Variants in RPS6KA6 observed in about 807,000 individuals in gnomAD.
RPS6KA6 encodes ribosomal protein S6 kinase alpha-6.
A neutral mutation model predicts 65.4 loss-of-function variants in RPS6KA6; 27 were observed. The observed-to-expected ratio is 0.41, with a 90% CI of 0.30 to 0.57. The LOEUF is 0.57. Among genes scored for constraint, RPS6KA6 ranks in the 20% least tolerant of loss-of-function variants. The probability of loss-of-function intolerance (pLI) is 0.24; values close to 1 mark genes in which losing one functional copy is unlikely to be tolerated. For missense variants in RPS6KA6, 486 were observed against 555.6 expected (o/e 0.87, Z 1.26); for synonymous variants, 190 against 184.2 (o/e 1.03, Z -0.26).
chrX:84,064,449 TAAAA>T, intron 21 of RPS6KA6, 47 bp from the exon 22 acceptor site: 2 of 938,200 alleles, frequency 2.1e-6, no homozygotes, highest in Non-Finnish European at 2.8e-6. Flanking sequence ...ATTCTGGAGT[TAAAA>T]AAAAAAAAAA....
chrX:84,077,495 A>G (rs2033686708), intron 20 of RPS6KA6, among the ~76,000 whole-genome samples: 1 of 111,647 alleles, frequency 9.0e-6, no homozygotes, highest in Non-Finnish European at 1.9e-5. Context: ...TACAAATGCA[A>G]TTTGGTGAAG....
chrX:84,142,341 A>ATTTTT (rs2035121015), intron 6 of RPS6KA6, among the ~76,000 whole-genome samples: 1 of 111,177 alleles, frequency 9.0e-6, no homozygotes, highest in African/African-American at 3.3e-5. Context: ...TGCATATCAA[A>ATTTTT]ACTTGTGAGA....
chrX:84,181,288 G>A (rs1254812360), intron 1 of RPS6KA6, among the ~76,000 whole-genome samples: 1 of 111,470 alleles, frequency 9.0e-6, no homozygotes, highest in Non-Finnish European at 1.9e-5. Context: ...CTAGTAAAAT[G>A]GGTGAACAAG....
At chrX:84,163,823 T>C (rs2035556582) in intron 2 of RPS6KA6, among the ~76,000 whole-genome samples, 1 of 111,508 alleles carries the variant, frequency 9.0e-6, no homozygotes, top group African/African-American at 3.3e-5. Context: ...AGGCATTACA[T>C]AGAATGGTCT....
rs760428123 is a variant in RPS6KA6, at chrX:84,062,952, T to TAGTAGTAGTAGCAGC, written c.*1324_*1325insGCTGCTACTACTACT. 1.6e-3 allele frequency: 172 copies of TAGTAGTAGTAGCAGC among 110,222 alleles called. 5 individuals carry two copies. Among genetic ancestry groups the TAGTAGTAGTAGCAGC allele is most frequent in the South Asian group, 8.4e-3 (22 of 2,633 alleles). 9.1% of individuals were successfully genotyped at this position (110,222 alleles called of 1,213,427 possible). A position where few individuals can be genotyped will look rare whatever the true frequency, so the allele number is the denominator to read the frequency against. ...GTAGTAGTAGTAGTAGTAGTAGTAG[T>TAGTAGTAGTAGCAGC]AGCAGTAGTAGCTGCTGCTGTTGTT... On this transcript the variant is annotated 3_prime_UTR_variant, in exon 22 of 22. Transcript: ENST00000262752.
At chrX:84,184,238 G>T (rs1364300319) in intron 1 of RPS6KA6, among the ~76,000 whole-genome samples, 1 of 112,008 alleles carries the variant, frequency 8.9e-6, no homozygotes, top group African/African-American at 3.3e-5. Flanking sequence ...TTTAGGAAGG[G>T]GTCTTAAGAA....
intron 20 of RPS6KA6, among the ~76,000 whole-genome samples, chrX:84,068,928 G>A (rs980372784): frequency 1.8e-5 from 2 of 111,739 alleles, no homozygotes; most frequent in Admixed American, 1.9e-4. Context: ...ACAAACAAAT[G>A]GAAAAACATT....
intron 2 of RPS6KA6, among the ~76,000 whole-genome samples, chrX:84,159,391 T>C (rs752868123): frequency 9.0e-6 from 1 of 111,188 alleles, no homozygotes; most frequent in South Asian, 3.8e-4. Flanking sequence ...TAGCCTGAAA[T>C]AGGTGGTAAT....
intron 1 of RPS6KA6, chrX:84,185,966 A>G (rs1055367696): frequency 6.2e-6 from 3 of 484,455 alleles, no homozygotes; most frequent in East Asian, 3.9e-5. Context: ...GTTTTCACCT[A>G]TAATATTTTT....
Position 84,183,284 on chromosome X carries a change from C to A in RPS6KA6, c.81+4535G>T, listed in dbSNP as rs184292930. 4.5e-5 allele frequency among the ~76,000 whole-genome samples: 5 copies of A among 111,368 alleles called. No homozygotes were observed. In the East Asian group the frequency reaches 1.4e-3, roughly 32 times the overall value. On this transcript the variant is annotated intron_variant, in intron 1 of 21. Transcript: ENST00000262752. ...TTACTCTCCAACATCTAATCAGTTA[C>A]CAAATTGTAACTATTCTACCTCTGC...
At chrX:84,130,022 T>C (rs891185297) in intron 8 of RPS6KA6, among the ~76,000 whole-genome samples, 1 of 111,801 alleles carries the variant, frequency 8.9e-6, no homozygotes, top group Admixed American at 9.5e-5. Flanking sequence ...ATATAAAGGA[T>C]AAATGCTTGA....
At chrX:84,151,166 A>AG (rs1491511737) in intron 3 of RPS6KA6, among the ~76,000 whole-genome samples, 23 of 99,263 alleles carry the variant, frequency 2.3e-4, no homozygotes, top group African/African-American at 8.5e-4. Context: ...TAGGATATAT[A>AG]GATATATATA....
intron 8 of RPS6KA6, 28 bp from the exon 9 acceptor site, chrX:84,120,055 T>C (rs2034639280): frequency 9.3e-7 from 1 of 1,080,324 alleles, no homozygotes; most frequent in Non-Finnish European, 1.2e-6. Flanking sequence ...CCAAAAAATG[T>C]GTCTGAAAAA....
intron 1 of RPS6KA6, among the ~76,000 whole-genome samples, chrX:84,175,146 T>C (rs1403477104): frequency 9.0e-6 from 1 of 111,498 alleles, no homozygotes; most frequent in East Asian, 2.8e-4. Flanking sequence ...AGTCATAAAA[T>C]TGTTTTCAAG....
chrX:84,118,133 G>T (rs921757337), intron 9 of RPS6KA6, among the ~76,000 whole-genome samples: 2 of 112,011 alleles, frequency 1.8e-5, no homozygotes, highest in Admixed American at 1.9e-4. Flanking sequence ...AGAAGTTTTT[G>T]TATCACCAGT....
intron 4 of RPS6KA6, among the ~76,000 whole-genome samples, chrX:84,147,472 C>A (rs2035219945): frequency 9.0e-6 from 1 of 110,835 alleles, no homozygotes; most frequent in Non-Finnish European, 1.9e-5. Flanking sequence ...ACACCTGGCT[C>A]ATTTTTGTAA....
intron 20 of RPS6KA6, among the ~76,000 whole-genome samples, chrX:84,067,831 T>C (rs1308717477): frequency 9.0e-6 from 1 of 111,215 alleles, no homozygotes; most frequent in African/African-American, 3.3e-5. Flanking sequence ...TACTCCAAGT[T>C]TGAAACAAAG....
chrX:84,068,336 T>C (rs1005143657), intron 20 of RPS6KA6, among the ~76,000 whole-genome samples: 3 of 112,100 alleles, frequency 2.7e-5, no homozygotes, highest in Non-Finnish European at 5.6e-5. Flanking sequence ...ACCACGATTA[T>C]CTCAATAGAC....
At chrX:84,092,620 C>CA (rs1305636683) in intron 20 of RPS6KA6, among the ~76,000 whole-genome samples, 2,369 of 93,525 alleles carry the variant, frequency 0.025, 79 homozygotes, top group African/African-American at 0.08. Context: ...GACTCCGTAT[C>CA]AAAAAAAAAA....
Sources: allele counts gnomAD v4.1 joint callset (sites outside exome capture counted in the v4.1 genomes callset), GRCh38; gene constraint gnomAD v4.1.1; transcripts MANE v1.5; gene names NCBI Gene and HGNC (gene_info 2026-07-23, HGNC 2026-07-21).